PDE8A: variants seen among roughly 807,000 people sequenced by gnomAD.
The protein encoded by PDE8A is high affinity cAMP-specific and IBMX-insensitive 3',5'-cyclic phosphodiesterase 8A.
In PDE8A, 59 loss-of-function variants were observed where a neutral mutation model predicts 105.0. The ratio of observed to expected loss-of-function variants is 0.56; its 90% CI spans 0.46 to 0.70. The LOEUF (loss-of-function observed/expected upper bound fraction) is 0.70. PDE8A is among the 30% of genes least tolerant of loss of function. PDE8A has a pLI of 0.00. For missense variants in PDE8A, 1,014 were observed against 1,045.9 expected (o/e 0.97, Z 0.42); for synonymous variants, 355 against 371.9 (o/e 0.95, Z 0.52).
rs186145998 is a variant in PDE8A at position 85,138,599 on chromosome 15, T to G, written c.*696T>G. On this transcript the variant is annotated 3_prime_UTR_variant, in exon 22 of 22. Coordinates refer to ENST00000394553, the MANE Select transcript of PDE8A (RefSeq NM_002605.3). ...ATAATGCAAATTAATAAAATGACAC[T>G]TTTACTGCACTATAGAAATATTCAT... 3.5e-3 allele frequency: 532 copies of G among 152,750 alleles called. 3 individuals carry two copies. The highest frequency in any genetic ancestry group is 0.012 in the African/African-American group (502 of 41,570). 9.5% of individuals were successfully genotyped at this position (152,750 alleles called of 1,614,324 possible).
At chr15:85,036,770 ATC>A (rs1484994784) in intron 1 of PDE8A, among the ~76,000 whole-genome samples, 2 of 152,174 alleles carry the variant, frequency 1.3e-5, no homozygotes, top group African/African-American at 4.8e-5. Flanking sequence ...CAGTAGAAGA[ATC>A]TCTAGAGACA....
intron 8 of PDE8A, among the ~76,000 whole-genome samples, chr15:85,096,775 G>C (rs1220855868): frequency 6.6e-6 from 1 of 152,136 alleles, no homozygotes; most frequent in Non-Finnish European, 1.5e-5. Context: ...GGACTCAGCT[G>C]GGCTTTCTGG....
intron 1 of PDE8A, 43 bp downstream of exon 1, chr15:84,982,391 C>T (rs775326380): frequency 2.4e-6 from 3 of 1,255,338 alleles, no homozygotes; most frequent in Non-Finnish European, 1.0e-6. Context: ...GAAACTCGGG[C>T]CCGGCCAGTA....
chr15:85,078,852 GA>G (rs2081421074), intron 5 of PDE8A, among the ~76,000 whole-genome samples: 1 of 152,136 alleles, frequency 6.6e-6, no homozygotes, highest in African/African-American at 2.4e-5. Flanking sequence ...TTGATGAGAG[GA>G]TACAGGGAGA....
At chr15:85,103,015 G>A (rs987424373) in intron 11 of PDE8A, among the ~76,000 whole-genome samples, 1 of 152,100 alleles carries the variant, frequency 6.6e-6, no homozygotes, top group Admixed American at 6.5e-5. Flanking sequence ...GAGCCCAGGA[G>A]TTTGAGACCA....
intron 4 of PDE8A, 93 bp downstream of exon 4, chr15:85,076,011 G>A (rs2081375501): frequency 2.9e-6 from 2 of 699,998 alleles, no homozygotes; most frequent in Non-Finnish European, 2.5e-6. Context: ...TGCTGTGTCA[G>A]GCATGCCCCT....
chr15:85,059,694 A>C (rs1045208282), intron 1 of PDE8A, among the ~76,000 whole-genome samples: 1 of 151,678 alleles, frequency 6.6e-6, no homozygotes, highest in African/African-American at 2.4e-5. Flanking sequence ...TTCACTTTCT[A>C]TTTTTGTCTT....
At chr15:85,037,538 G>C (rs560553429) in intron 1 of PDE8A, among the ~76,000 whole-genome samples, 5 of 152,264 alleles carry the variant, frequency 3.3e-5, no homozygotes, top group African/African-American at 1.2e-4. Flanking sequence ...TTACTGAACT[G>C]AGCCTTAATT....
chr15:85,009,309 T>TCAAAGTGA (rs990855167), intron 1 of PDE8A, among the ~76,000 whole-genome samples: 2 of 152,192 alleles, frequency 1.3e-5, no homozygotes, highest in African/African-American at 4.8e-5. Flanking sequence ...GTCTTTCTTT[T>TCAAAGTGA]CAAAGTGACT....
intron 8 of PDE8A, among the ~76,000 whole-genome samples, chr15:85,095,833 T>C (rs1444985954): frequency 2.0e-5 from 3 of 151,234 alleles, no homozygotes; most frequent in Non-Finnish European, 2.9e-5. Flanking sequence ...CACCCAAGTC[T>C]ATTCAGAAAG....
chr15:85,103,297 A>G (rs1397307195), intron 11 of PDE8A, among the ~76,000 whole-genome samples: 1 of 152,226 alleles, frequency 6.6e-6, no homozygotes, highest in African/African-American at 2.4e-5. Flanking sequence ...AGGCAGAGTC[A>G]GTGATGCAGT....
chr15:85,033,406 A>C (rs1286655577), intron 1 of PDE8A, among the ~76,000 whole-genome samples: 2 of 152,168 alleles, frequency 1.3e-5, no homozygotes, highest in Non-Finnish European at 2.9e-5. Flanking sequence ...CTACACTGTG[A>C]ACAGCTCCAC....
chr15:85,081,230 C>T (rs892364932), intron 5 of PDE8A, among the ~76,000 whole-genome samples: 9 of 152,112 alleles, frequency 5.9e-5, no homozygotes, highest in Non-Finnish European at 1.2e-4. Flanking sequence ...GTGTTTTAGC[C>T]ATGTTTCAGG....
intron 1 of PDE8A, among the ~76,000 whole-genome samples, chr15:85,006,000 A>T (rs2080140846): frequency 1.3e-5 from 2 of 152,086 alleles, no homozygotes; most frequent in Admixed American, 1.3e-4. Context: ...ATACGAAAAC[A>T]GTTGCAGAAT....
intron 7 of PDE8A, among the ~76,000 whole-genome samples, chr15:85,090,260 T>C (rs1046625079): frequency 6.6e-6 from 1 of 152,190 alleles, no homozygotes; most frequent in Non-Finnish European, 1.5e-5. Flanking sequence ...TCTGTGGAAA[T>C]GGAAATAATA....
chr15:84,999,004 ATTAT>A (rs2080022873), intron 1 of PDE8A, among the ~76,000 whole-genome samples: 1 of 152,052 alleles, frequency 6.6e-6, no homozygotes, highest in South Asian at 2.1e-4. Flanking sequence ...TGAGTTAGAA[ATTAT>A]TTTAGTGGTT....
At position 85,099,178 on chromosome 15, in the gene PDE8A, A is replaced by C. The variant is rs76100601; in HGVS notation, c.942-837A>C. 9.9e-5 allele frequency among the ~76,000 whole-genome samples: 15 copies of C among 152,276 alleles called. No individual in the cohort carries two copies. The East Asian group carries it at 2.7e-3, about 27-fold the overall frequency. On this transcript the variant is annotated intron_variant, in intron 9 of 21. Coordinates refer to ENST00000394553, the MANE Select transcript of PDE8A (RefSeq NM_002605.3). Reference sequence around the variant, plus strand: ...CTCAATGTGTGGTAAATGCCACTTCATTCCATCCTAACTGCAGCCCTGTGA... The same window carrying C: ...CTCAATGTGTGGTAAATGCCACTTCCTTCCATCCTAACTGCAGCCCTGTGA...
Position 85,137,312 on chromosome 15 carries a change from C to T in PDE8A, c.2384-485C>T, listed in dbSNP as rs540700709. Among the ~76,000 whole-genome samples the T allele has an allele frequency of 1.5e-4, 23 of 152,332 alleles. No individual in the cohort carries two copies. The South Asian group carries it at 4.1e-3, about 27-fold the overall frequency. On this transcript the variant is annotated intron_variant, in intron 21 of 21. Transcript: ENST00000394553. ...GCAGCTTTGGGGGACACTGCATACT[C>T]TGCAGCTCACTGCTTCTGGGACTGA...
At chr15:85,081,992 C>T (rs973684824) in intron 5 of PDE8A, among the ~76,000 whole-genome samples, 1 of 152,138 alleles carries the variant, frequency 6.6e-6, no homozygotes, top group Non-Finnish European at 1.5e-5. Context: ...AGAATCTTAC[C>T]TGCGGAGGAA....
Sources: allele counts gnomAD v4.1 joint callset (sites outside exome capture counted in the v4.1 genomes callset), GRCh38; gene constraint gnomAD v4.1.1; transcripts MANE v1.5; gene names NCBI Gene and HGNC (gene_info 2026-07-23, HGNC 2026-07-21).